MTMR7: variants seen among roughly 807,000 people sequenced by gnomAD.
The protein encoded by MTMR7 is phosphatidylinositol-3-phosphate phosphatase MTMR7.
A neutral mutation model predicts 81.2 loss-of-function variants in MTMR7; 76 were observed. The observed-to-expected ratio is 0.94, with a 90% CI of 0.78 to 1.13. The LOEUF is 1.13. MTMR7 is among the 50% of genes most tolerant of loss of function. The pLI is 0.00. For synonymous variants in MTMR7, 372 were observed against 289.8 expected, an observed-to-expected ratio of 1.28 and a Z score of -2.88; for missense variants, 1,044 against 820.0, an observed-to-expected ratio of 1.27 and a Z score of -3.34.
chr8:17,338,157 AT>A (rs1199646549), intron 6 of MTMR7, among the ~76,000 whole-genome samples: 1 of 152,230 alleles, frequency 6.6e-6, no homozygotes, highest in Non-Finnish European at 1.5e-5. Context: ...GCGTGCATGG[AT>A]AAATATGAGA....
chr8:17,393,279 C>T (rs1474847469), intron 1 of MTMR7, among the ~76,000 whole-genome samples: 2 of 152,118 alleles, frequency 1.3e-5, no homozygotes, highest in Admixed American at 6.6e-5. Context: ...ATTAACTCAA[C>T]ATAGATCAAA....
intron 6 of MTMR7, 137 bp downstream of exon 6, chr8:17,341,226 G>A (rs1287347036): frequency 1.7e-6 from 2 of 1,145,692 alleles, no homozygotes; most frequent in Non-Finnish European, 2.4e-6. Context: ...AGGGTGCCCA[G>A]ACACTGACTA....
intron 4 of MTMR7, among the ~76,000 whole-genome samples, chr8:17,360,067 T>C (rs1234356943): frequency 2.0e-5 from 3 of 152,232 alleles, no homozygotes; most frequent in African/African-American, 7.2e-5. Context: ...AGCAGGTAGA[T>C]ATTATTTGAT....
intron 1 of MTMR7, among the ~76,000 whole-genome samples, chr8:17,394,110 G>A (rs1172524360): frequency 1.3e-5 from 2 of 152,142 alleles, no homozygotes; most frequent in Admixed American, 1.3e-4. Flanking sequence ...AATATAAAAT[G>A]CTGCAGCCTC....
At chr8:17,390,011 T>C (rs987543084) in intron 1 of MTMR7, among the ~76,000 whole-genome samples, 1 of 151,454 alleles carries the variant, frequency 6.6e-6, no homozygotes, top group Non-Finnish European at 1.5e-5. Context: ...ATAAAGTCAC[T>C]GCTCACATGG....
intron 1 of MTMR7, among the ~76,000 whole-genome samples, chr8:17,394,479 A>G (rs1821192471): frequency 6.6e-6 from 1 of 152,202 alleles, no homozygotes; most frequent in Non-Finnish European, 1.5e-5. Context: ...GATTCCATTT[A>G]TATAAAATGT....
chr8:17,360,543 T>G (rs1395091813), intron 4 of MTMR7, among the ~76,000 whole-genome samples: 1 of 151,966 alleles, frequency 6.6e-6, no homozygotes, highest in African/African-American at 2.4e-5. Context: ...CTCAAATATT[T>G]TTAAAATTAT....
chr8:17,331,410 T>G (rs1052464767), intron 6 of MTMR7, 128 bp from the exon 7 acceptor site: 3 of 958,174 alleles, frequency 3.1e-6, no homozygotes, highest in Non-Finnish European at 3.0e-6. Context: ...ATACGCTTAT[T>G]TGAATCACTG....
chr8:17,298,194 T>G lies in MTMR7; in HGVS notation c.*1668A>C, dbSNP rs1370822511. ...TTATGTTATAAAAATGTGAAAGCCA[T>G]TACCACTATATCCTAAGTTTTATTT... is the stretch of plus-strand genomic sequence containing the variant. On this transcript the variant is annotated 3_prime_UTR_variant, in exon 14 of 14. Coordinates refer to ENST00000180173, the MANE Select transcript of MTMR7 (RefSeq NM_004686.5). The G allele has an allele frequency of 6.6e-6, 1 of 152,088 alleles. No individual in the cohort carries two copies. The highest frequency in any genetic ancestry group is 1.5e-5 in the Non-Finnish European group (1 of 67,944). 9.4% of individuals were successfully genotyped at this position (152,088 alleles called of 1,614,324 possible). A position where few individuals can be genotyped will look rare whatever the true frequency, so the allele number is the denominator to read the frequency against.
rs1011470145 is a variant in MTMR7 at position 17,309,601 on chromosome 8, A to G, written c.1102-275T>C. 3.3e-5 allele frequency among the ~76,000 whole-genome samples: 5 copies of G among 152,296 alleles called. No homozygotes were observed. The South Asian group carries it at 1.0e-3, about 32-fold the overall frequency. On this transcript the variant is annotated intron_variant, in intron 9 of 13. Coordinates refer to ENST00000180173, the MANE Select transcript of MTMR7 (RefSeq NM_004686.5). The stretch of plus-strand genomic sequence containing the variant: ...TTCCTATGTGCCAGGCACTGTTCAC[A>G]TTGCTTTACGTATGATCTCTAACTG...
intron 10 of MTMR7, among the ~76,000 whole-genome samples, chr8:17,308,365 G>A (rs1185184119): frequency 1.3e-5 from 2 of 151,938 alleles, no homozygotes; most frequent in African/African-American, 4.8e-5. Flanking sequence ...TCTAATTGGG[G>A]GCTTTAATTT....
intron 1 of MTMR7, among the ~76,000 whole-genome samples, chr8:17,405,541 A>G (rs1301714224): frequency 3.3e-5 from 5 of 152,174 alleles, no homozygotes; most frequent in Non-Finnish European, 7.3e-5. Context: ...TGTGAGGATG[A>G]CATTATCTTT....
intron 1 of MTMR7, among the ~76,000 whole-genome samples, chr8:17,386,088 T>G (rs1820930998): frequency 1.3e-5 from 2 of 152,112 alleles, no homozygotes; most frequent in Non-Finnish European, 2.9e-5. Flanking sequence ...TTTATCAGAC[T>G]CTCCTGGCCA....
intron 4 of MTMR7, among the ~76,000 whole-genome samples, chr8:17,360,730 C>T (rs745819754): frequency 2.4e-4 from 37 of 151,934 alleles, no homozygotes; most frequent in African/African-American, 8.0e-4. Context: ...ATAGAGGAGC[C>T]GGTGCCAAAC....
At chr8:17,386,242 G>A (rs752855147) in intron 1 of MTMR7, among the ~76,000 whole-genome samples, 4 of 152,158 alleles carry the variant, frequency 2.6e-5, no homozygotes, top group Non-Finnish European at 5.9e-5. Flanking sequence ...GCCAAGCATG[G>A]TGGCACATGC....
chr8:17,364,364 G>C (rs1354372600), intron 3 of MTMR7, among the ~76,000 whole-genome samples: 5 of 152,128 alleles, frequency 3.3e-5, no homozygotes, highest in Non-Finnish European at 7.3e-5. Flanking sequence ...TGACTACAAT[G>C]TGGAATGATT....
chr8:17,386,113 C>T (rs1020246807), intron 1 of MTMR7, among the ~76,000 whole-genome samples: 2 of 152,166 alleles, frequency 1.3e-5, no homozygotes, highest in African/African-American at 4.8e-5. Flanking sequence ...CAGTGGCTCA[C>T]ACTTGTAATC....
At chr8:17,345,432 G>A (rs1262484643) in intron 5 of MTMR7, among the ~76,000 whole-genome samples, 1 of 152,200 alleles carries the variant, frequency 6.6e-6, no homozygotes, top group Non-Finnish European at 1.5e-5. Flanking sequence ...CACAGCCCCT[G>A]GCTGTCACTC....
In MTMR7 at chr8:17,361,255, G is replaced by A. The variant is rs768549207; in HGVS notation, c.330C>T (p.Tyr110=). ...LARPVKYEEL[Y]CFSFNPMLDK... ...CCAGCATGGGGTTGAATGAAAAGCA[G>A]TATAACTCCTCATATTTCACTGCAA... Residue 110 remains tyrosine, a synonymous_variant, in exon 4 of 14, where the codon TAC becomes TAT. Transcript: ENST00000180173. The A allele has an allele frequency of 6.2e-7, 1 of 1,614,046 alleles. No homozygotes were observed. Among genetic ancestry groups the A allele is most frequent in the African/African-American group, 1.3e-5 (1 of 74,920 alleles).
Sources: allele counts gnomAD v4.1 joint callset (sites outside exome capture counted in the v4.1 genomes callset), GRCh38; gene constraint gnomAD v4.1.1; transcripts MANE v1.5; gene names NCBI Gene and HGNC (gene_info 2026-07-23, HGNC 2026-07-21).